ICA1: variants seen among roughly 807,000 people sequenced by gnomAD.
The protein encoded by ICA1 is islet cell autoantigen 1, also known as 69 kDa islet cell autoantigen.
In ICA1, 40 loss-of-function variants were observed where a neutral mutation model predicts 71.0. That is an observed-to-expected ratio of 0.56 (90% confidence interval 0.44 to 0.73). The LOEUF is 0.73. Ranked by LOEUF, ICA1 falls within the 30% of genes least tolerant of loss-of-function variation. The pLI, the probability that ICA1 is intolerant of heterozygous loss-of-function variation, is 0.00. For synonymous variants in ICA1, 207 were observed against 209.5 expected (o/e 0.99, Z 0.10); for missense variants, 578 against 576.5 (o/e 1.00, Z -0.03).
intron 6 of ICA1, among the ~76,000 whole-genome samples, chr7:8,163,069 G>T (rs1226025543): frequency 6.6e-6 from 1 of 152,066 alleles, no homozygotes; most frequent in African/African-American, 2.4e-5. Flanking sequence ...TAGTCTAATG[G>T]CCATGTATTT....
At chr7:8,122,508 G>A (rs1170700603) in intron 13 of ICA1, among the ~76,000 whole-genome samples, 1 of 152,252 alleles carries the variant, frequency 6.6e-6, no homozygotes, top group Non-Finnish European at 1.5e-5. Flanking sequence ...GCAGGCATAG[G>A]AAGTGCTGCA....
At chr7:8,117,047 G>A (rs1356424866) in intron 13 of ICA1, among the ~76,000 whole-genome samples, 1 of 152,152 alleles carries the variant, frequency 6.6e-6, no homozygotes, top group Non-Finnish European at 1.5e-5. Context: ...CTGTTCTCCT[G>A]ATAGTGAATT....
intron 6 of ICA1, among the ~76,000 whole-genome samples, chr7:8,212,659 A>G (rs1182646117): frequency 1.3e-5 from 2 of 152,196 alleles, no homozygotes; most frequent in African/African-American, 2.4e-5. Context: ...CAATAGGCCT[A>G]TCGGACCTAT....
chr7:8,150,568 G>A (rs960178336), intron 8 of ICA1, among the ~76,000 whole-genome samples: 4 of 152,034 alleles, frequency 2.6e-5, no homozygotes, highest in African/African-American at 4.8e-5. Flanking sequence ...ATTTGAATCC[G>A]GGTCTTAAAA....
At position 8,132,818 on chromosome 7, in the gene ICA1, A is replaced by G. The variant is rs376709547; in HGVS notation, c.1061-4676T>C. 6.2e-4 allele frequency among the ~76,000 whole-genome samples: 94 copies of G among 152,230 alleles called. 2 individuals are homozygous for G. In the South Asian group the frequency reaches 0.018, roughly 29 times the overall value. On this transcript the variant is annotated intron_variant, in intron 12 of 13. Coordinates refer to ENST00000402384, the MANE Select transcript of ICA1 (RefSeq NM_001136020.3). The surrounding 1 kb of genome is among the most constrained non-coding windows in gnomAD (Gnocchi z 4.5). ...GAAGGTTCTCCAATCTCTACCTCCA[A>G]TTCCAAGTTCTTTCTGGAACTCCAT...
chr7:8,241,628 TAA>T (rs1370409429), intron 1 of ICA1, among the ~76,000 whole-genome samples: 2 of 152,052 alleles, frequency 1.3e-5, no homozygotes, highest in African/African-American at 4.8e-5. Context: ...GCAAATTGGA[TAA>T]AGAGTCAAGA....
intron 6 of ICA1, among the ~76,000 whole-genome samples, chr7:8,199,614 T>C (rs976132518): frequency 2.6e-5 from 4 of 152,170 alleles, no homozygotes; most frequent in African/African-American, 9.7e-5. Flanking sequence ...CTCAGGAGGC[T>C]GAGGCAGGAG....
intron 1 of ICA1, among the ~76,000 whole-genome samples, chr7:8,259,042 G>C (rs1811281536): frequency 6.6e-6 from 1 of 152,214 alleles, no homozygotes; most frequent in African/African-American, 2.4e-5. Flanking sequence ...CTAGGGATCA[G>C]AGCTACCTGA....
intron 13 of ICA1, among the ~76,000 whole-genome samples, chr7:8,114,403 C>G (rs769286656): frequency 1.5e-4 from 23 of 152,326 alleles, no homozygotes; most frequent in African/African-American, 5.1e-4. Flanking sequence ...GACTGAATGG[C>G]TGAGGAAGCA....
intron 1 of ICA1, among the ~76,000 whole-genome samples, chr7:8,247,998 T>A (rs1806712869): frequency 6.6e-6 from 1 of 152,234 alleles, no homozygotes; most frequent in African/African-American, 2.4e-5. Context: ...TCAAATGTAG[T>A]TAATTTTTCT....
intron 9 of ICA1, among the ~76,000 whole-genome samples, chr7:8,142,271 A>G (rs1795501954): frequency 6.6e-6 from 1 of 152,056 alleles, no homozygotes; most frequent in African/African-American, 2.4e-5. Flanking sequence ...CTCCTACTCA[A>G]CTCTCACCAC....
At chr7:8,181,970 C>G (rs1782316568) in intron 6 of ICA1, among the ~76,000 whole-genome samples, 1 of 152,156 alleles carries the variant, frequency 6.6e-6, no homozygotes, top group African/African-American at 2.4e-5. Flanking sequence ...CCTTTATGAT[C>G]TAATTAAAGC....
rs1783739609 is a variant in ICA1 at position 8,113,227 on chromosome 7, AAAAC to A, written c.*692_*695del. On this transcript the variant is annotated 3_prime_UTR_variant, in exon 14 of 14. Transcript: ENST00000402384. This position sits in a 1 kb window ranked among gnomAD's most constrained non-coding sequence, Gnocchi z 4.2. The stretch of plus-strand genomic sequence containing the variant: ...TTTCTGTTTAATTAAAAAAAAAAAA[AAAAC>A]AATGTCACAAGAGGCTTCAGAAATA... 1 of 151,960 alleles carries A rather than the reference AAAAC, an allele frequency of 6.6e-6. No individual in the cohort carries two copies. The allele number at this position is 151,960 out of a possible 1,614,324, so 9.4% of individuals were successfully genotyped here.
At chr7:8,258,657 A>G (rs929919477) in intron 1 of ICA1, among the ~76,000 whole-genome samples, 1 of 152,216 alleles carries the variant, frequency 6.6e-6, no homozygotes, top group African/African-American at 2.4e-5. Context: ...TTTGTTATAA[A>G]AACAGGTATA....
rs190203151 is a variant in ICA1 at position 8,201,320 on chromosome 7, A to T, written c.579+16985T>A. 1.8e-4 allele frequency among the ~76,000 whole-genome samples: 28 copies of T among 152,338 alleles called. No individual in the cohort carries two copies. The East Asian group carries it at 5.4e-3, about 29-fold the overall frequency. The stretch of plus-strand genomic sequence containing the variant: ...AAGGATTAGAAAGTGTTTATCTTCC[A>T]CTTTAGCAGGTGGACTTGATCCTAC... On this transcript the variant is annotated intron_variant, in intron 6 of 13. Coordinates refer to ENST00000402384, the MANE Select transcript of ICA1 (RefSeq NM_001136020.3).
intron 6 of ICA1, among the ~76,000 whole-genome samples, chr7:8,178,354 A>T (rs1051268034): frequency 1.8e-4 from 27 of 152,174 alleles, no homozygotes; most frequent in Non-Finnish European, 7.4e-5. Context: ...ATCACATTGA[A>T]TGGTCACTGT....
In ICA1 at chr7:8,118,474, G is replaced by T. The variant is rs142603494; in HGVS notation, c.1331-4430C>A. 2.3e-3 allele frequency among the ~76,000 whole-genome samples: 353 copies of T among 152,258 alleles called. 1 individual carries two copies. Among genetic ancestry groups the T allele is most frequent in the African/African-American group, 8.2e-3 (340 of 41,554 alleles). Reference sequence around the variant, plus strand: ...TCCTTGAGCTGTTCTCTTACAGTGGGTGAAGTTTTGGCATATAAATTATAC... The same window carrying T: ...TCCTTGAGCTGTTCTCTTACAGTGGTTGAAGTTTTGGCATATAAATTATAC... On this transcript the variant is annotated intron_variant, in intron 13 of 13. Transcript: ENST00000402384.
rs1368244235 is a variant in ICA1 at position 8,128,021 on chromosome 7, C to T, written c.1182G>A (p.Trp394Ter). The T allele has an allele frequency of 1.9e-6, 3 of 1,614,048 alleles. No homozygotes were observed. Among genetic ancestry groups the T allele is most frequent in the Admixed American group, 1.7e-5 (1 of 59,998 alleles). ...CTTGGCCGTCTCCAAACACAGCGGC[C>T]CACTCTTTGCTGAACTCGCCCTCTT... ...SLEEGEFSKE[W>*]AAVFGDGQVK... Residue 394 changes from tryptophan to a stop codon, truncating the protein, a stop_gained, in exon 13 of 14, where the codon TGG (tryptophan) becomes TGA (stop). Coordinates refer to ENST00000402384, the MANE Select transcript of ICA1 (RefSeq NM_001136020.3). LOFTEE classifies it high-confidence loss of function.
At chr7:8,121,472 A>G (rs994840159) in intron 13 of ICA1, among the ~76,000 whole-genome samples, 1 of 152,332 alleles carries the variant, frequency 6.6e-6, no homozygotes, top group Non-Finnish European at 1.5e-5. Flanking sequence ...ACTGGAAGAC[A>G]TTATGTTAAG....
Sources: gnomAD v4.1 joint callset for allele counts (sites outside exome capture counted in the v4.1 genomes callset) on GRCh38, gnomAD v4.1.1 for gene constraint, Gnocchi (gnomAD v3.1) non-coding constraint, MANE v1.5 for transcripts, NCBI Gene and HGNC (gene_info 2026-07-23, HGNC 2026-07-21) for gene names.